LRP1B: variants seen among roughly 807,000 people sequenced by gnomAD.
The protein encoded by LRP1B is low-density lipoprotein receptor-related protein 1B.
Under a neutral mutation model 556.6 loss-of-function variants are expected in LRP1B, and 217 were observed. The observed-to-expected ratio is 0.39, with a 90% CI of 0.35 to 0.44. LRP1B has a LOEUF of 0.44. LRP1B is among the 20% of genes least tolerant of loss of function. The probability of loss-of-function intolerance (pLI) is 1.00; values close to 1 mark genes in which losing one functional copy is unlikely to be tolerated. For synonymous variants in LRP1B, 2,047 were observed against 1,865.8 expected (o/e 1.10, Z -2.50); for missense variants, 5,053 against 5,620.8 (o/e 0.90, Z 3.23).
chr2:140,352,762 C>A (rs1375737762), intron 76 of LRP1B, among the ~76,000 whole-genome samples, 191 bp downstream of exon 76: 2 of 152,006 alleles, frequency 1.3e-5, no homozygotes, highest in East Asian at 3.9e-4. Context: ...CCATATATTT[C>A]ATAGTCATTT....
intron 82 of LRP1B, among the ~76,000 whole-genome samples, chr2:140,321,742 A>C (rs776805932): frequency 3.9e-5 from 6 of 152,116 alleles, no homozygotes; most frequent in Admixed American, 6.6e-5. Context: ...TCTGTTGTTA[A>C]GTGCCTGTAA....
At chr2:142,015,719 C>A (rs1005409490) in intron 1 of LRP1B, among the ~76,000 whole-genome samples, 1 of 152,038 alleles carries the variant, frequency 6.6e-6, no homozygotes, top group African/African-American at 2.4e-5. Context: ...AGGGGCCAGG[C>A]ACAGTGGCTC....
intron 11 of LRP1B, among the ~76,000 whole-genome samples, chr2:141,035,041 G>C (rs879705947): frequency 6.6e-5 from 10 of 152,122 alleles, no homozygotes; most frequent in East Asian, 1.9e-4. Flanking sequence ...AAAATGATGA[G>C]TTCATGTCCT....
chr2:140,399,856 A>G (rs1423682584), intron 66 of LRP1B, among the ~76,000 whole-genome samples: 1 of 152,198 alleles, frequency 6.6e-6, no homozygotes, highest in Admixed American at 6.5e-5. Flanking sequence ...GATACATTGT[A>G]CATTGTAAGC....
At chr2:141,694,458 A>G (rs561197649) in intron 2 of LRP1B, among the ~76,000 whole-genome samples, 7 of 152,040 alleles carry the variant, frequency 4.6e-5, no homozygotes, top group Non-Finnish European at 1.0e-4. Context: ...CTTCTTGTGT[A>G]CCAATAATTT....
intron 1 of LRP1B, among the ~76,000 whole-genome samples, chr2:142,001,504 A>G (rs943961464): frequency 1.3e-5 from 2 of 152,178 alleles, no homozygotes; most frequent in African/African-American, 4.8e-5. Flanking sequence ...ATGCTACTCA[A>G]TGGACTGATT....
chr2:141,071,289 T>C (rs1357563840), intron 7 of LRP1B, among the ~76,000 whole-genome samples: 1 of 150,962 alleles, frequency 6.6e-6, no homozygotes, highest in East Asian at 2.0e-4. Context: ...GAAAAGGCCT[T>C]TGACAAAATT....
intron 1 of LRP1B, among the ~76,000 whole-genome samples, chr2:141,944,094 G>C (rs1558977303): frequency 6.6e-6 from 1 of 152,066 alleles, no homozygotes; most frequent in Non-Finnish European, 1.5e-5. Flanking sequence ...CCGGGGACCC[G>C]TTTATACTTG....
intron 2 of LRP1B, among the ~76,000 whole-genome samples, chr2:141,594,624 G>C (rs1018212499): frequency 1.3e-5 from 2 of 152,078 alleles, no homozygotes; most frequent in African/African-American, 2.4e-5. Context: ...AGTGATAATT[G>C]GGAGAGAGAG....
intron 35 of LRP1B, among the ~76,000 whole-genome samples, chr2:140,758,902 A>G (rs1405506416): frequency 6.6e-6 from 1 of 152,092 alleles, no homozygotes; most frequent in African/African-American, 2.4e-5. Flanking sequence ...AAAAATAAAA[A>G]TTATGAATCC....
chr2:141,792,681 C>G (rs1430388788), intron 2 of LRP1B, among the ~76,000 whole-genome samples: 1 of 151,968 alleles, frequency 6.6e-6, no homozygotes, highest in East Asian at 1.9e-4. Flanking sequence ...AAACTGGACA[C>G]TTCATTTCTA....
intron 1 of LRP1B, among the ~76,000 whole-genome samples, chr2:141,979,997 A>G (rs549789335): frequency 8.5e-4 from 130 of 152,292 alleles, no homozygotes; most frequent in African/African-American, 2.9e-3. Context: ...TGATAAACGG[A>G]GAACCTCTTT....
intron 7 of LRP1B, among the ~76,000 whole-genome samples, chr2:141,118,120 G>A (rs1260060130): frequency 1.3e-5 from 2 of 151,836 alleles, no homozygotes; most frequent in African/African-American, 2.4e-5. Context: ...GTATAGGATG[G>A]AATATTTTAA....
rs1289536547 is a variant in LRP1B, at chr2:141,156,363, T to C, written c.1013+32058A>G. On this transcript the variant is annotated intron_variant, in intron 7 of 90. Transcript: ENST00000389484. ...CAATTCACTGGCCAGGCGCATTAGC[T>C]CTTGCCTGTAATCTCAACACAGGGA... Among the ~76,000 whole-genome samples the C allele has an allele frequency of 2.0e-5, 3 of 152,080 alleles. No individual in the cohort carries two copies. The East Asian group carries it at 5.8e-4, about 29-fold the overall frequency.
At chr2:142,065,930 A>T (rs762926362) in intron 1 of LRP1B, among the ~76,000 whole-genome samples, 36 of 151,406 alleles carry the variant, frequency 2.4e-4, no homozygotes, top group Non-Finnish European at 4.7e-4. Context: ...CCTGGATCAA[A>T]TTTCTCTCCA....
At position 141,873,911 on chromosome 2, in the gene LRP1B, G is replaced by A. The variant is rs989782294; in HGVS notation, c.83-63510C>T. Among the ~76,000 whole-genome samples, 49 of 151,466 alleles carry A rather than the reference G, an allele frequency of 3.2e-4. 1 individual carries two copies. Among genetic ancestry groups the A allele is most frequent in the Admixed American group, 7.3e-4 (11 of 15,156 alleles). ...AGAGTATAGCCTAGTGAATTTTCACGACTAGAACACTCTCTTTTAACAAGA... is the reference window on the plus strand; with the variant it reads ...AGAGTATAGCCTAGTGAATTTTCACAACTAGAACACTCTCTTTTAACAAGA... On this transcript the variant is annotated intron_variant, in intron 1 of 90. Coordinates refer to ENST00000389484, the MANE Select transcript of LRP1B (RefSeq NM_018557.3).
intron 3 of LRP1B, among the ~76,000 whole-genome samples, chr2:141,307,757 TG>T (rs1686649884): frequency 6.6e-6 from 1 of 152,100 alleles, no homozygotes; most frequent in Admixed American, 6.6e-5. Flanking sequence ...CAGCATATGG[TG>T]GCACTGGTGT....
intron 43 of LRP1B, among the ~76,000 whole-genome samples, chr2:140,576,539 G>T (rs10496849): frequency 0.37 from 55,765 of 151,958 alleles, 11,220 homozygotes; most frequent in South Asian, 0.49. Context: ...AATTATTTTT[G>T]AGGTCAGATA....
At chr2:140,388,045 T>C (rs1573877297) in intron 66 of LRP1B, among the ~76,000 whole-genome samples, 1 of 151,798 alleles carries the variant, frequency 6.6e-6, no homozygotes, top group African/African-American at 2.4e-5. Context: ...CAAGTGATTC[T>C]CCTGCCTCAG....
Sources: allele counts gnomAD v4.1 joint callset (sites outside exome capture counted in the v4.1 genomes callset), GRCh38; gene constraint gnomAD v4.1.1; transcripts MANE v1.5; gene names NCBI Gene and HGNC (gene_info 2026-07-23, HGNC 2026-07-21).